EDEM3: variants seen among roughly 807,000 people sequenced by gnomAD.
EDEM3 encodes ER degradation enhancing alpha-mannosidase like protein 3, also known as ER degradation-enhancing alpha-mannosidase-like protein 3.
EDEM3 carries 60 observed loss-of-function variants against 110.2 expected under a neutral mutation model. The observed-to-expected ratio is 0.54, with a 90% confidence interval of 0.44 to 0.67. The LOEUF is 0.67. Ranked by LOEUF, EDEM3 falls within the 30% of genes least tolerant of loss-of-function variation. The pLI, the probability that EDEM3 is intolerant of heterozygous loss-of-function variation, is 0.00. For missense variants in EDEM3, 996 were observed against 1,121.0 expected (o/e 0.89, Z 1.59); for synonymous variants, 352 against 382.9 (o/e 0.92, Z 0.94).
At chr1:184,733,041 T>C (rs1162419074) in intron 5 of EDEM3, 51 bp from the exon 6 acceptor site, 1 of 1,535,568 alleles carries the variant, frequency 6.5e-7, no homozygotes, top group South Asian at 1.3e-5. Context: ...CAATTAAAAG[T>C]TACCATCTAA....
chr1:184,744,284 A>C (rs1209339653), intron 2 of EDEM3, among the ~76,000 whole-genome samples: 1 of 122,950 alleles, frequency 8.1e-6, no homozygotes, highest in Non-Finnish European at 1.7e-5. Context: ...ATATATATAT[A>C]TATATATATG....
chr1:184,702,307 T>C (rs1199763154), intron 19 of EDEM3, among the ~76,000 whole-genome samples: 2 of 152,228 alleles, frequency 1.3e-5, no homozygotes, highest in African/African-American at 2.4e-5. Flanking sequence ...TATATCCATG[T>C]GATAAACTTA....
At chr1:184,725,514 GACATACATTCAAAGGCAT>G (rs1651142777) in intron 7 of EDEM3, among the ~76,000 whole-genome samples, 1 of 151,736 alleles carries the variant, frequency 6.6e-6, no homozygotes, top group Non-Finnish European at 1.5e-5. Flanking sequence ...TGAACATACA[GACATACATTCAAAGGCAT>G]ACATACATAC....
At chr1:184,701,319 A>G (rs1050304634) in intron 19 of EDEM3, among the ~76,000 whole-genome samples, 3 of 152,090 alleles carry the variant, frequency 2.0e-5, no homozygotes, top group African/African-American at 7.2e-5. Context: ...TATAATTATT[A>G]GAATTTAAAA....
At chr1:184,747,348 A>G (rs1364136992) in intron 2 of EDEM3, among the ~76,000 whole-genome samples, 1 of 152,208 alleles carries the variant, frequency 6.6e-6, no homozygotes, top group Non-Finnish European at 1.5e-5. Flanking sequence ...CAGAAAGCTA[A>G]AAGTGTTTCT....
At chr1:184,730,616 C>G (rs1651458131) in intron 6 of EDEM3, among the ~76,000 whole-genome samples, 1 of 151,970 alleles carries the variant, frequency 6.6e-6, no homozygotes, top group South Asian at 2.1e-4. Flanking sequence ...AGAATGTTTA[C>G]CAGAGAGCTA....
At position 184,754,743 on chromosome 1, in the gene EDEM3, G is replaced by A. The variant is rs956622820; in HGVS notation, c.-97C>T. ...AGGGGGCTGCTAGCCGTGCCGAGAC[G>A]GGGCGGGATGCGGAGTAACACGGAC... On this transcript the variant is annotated 5_prime_UTR_variant, in exon 1 of 20. Transcript: ENST00000318130. The A allele has an allele frequency of 2.1e-6, 3 of 1,416,512 alleles. No homozygotes were observed. Among genetic ancestry groups the A allele is most frequent in the Non-Finnish European group, 2.7e-6 (3 of 1,091,792 alleles). The allele number at this position is 1,416,512 out of a possible 1,614,324, so 87.7% of individuals were successfully genotyped here.
At chr1:184,708,691 C>T (rs1030217903) in intron 16 of EDEM3, among the ~76,000 whole-genome samples, 2 of 152,236 alleles carry the variant, frequency 1.3e-5, no homozygotes, top group African/African-American at 2.4e-5. Context: ...ACCTGACCCA[C>T]ACTTTCCCTC....
chr1:184,706,920 G>T, intron 17 of EDEM3, 112 bp from the exon 18 acceptor site: 2 of 1,103,654 alleles, frequency 1.8e-6, no homozygotes, highest in Non-Finnish European at 2.5e-6. Context: ...CTTTTCTAAT[G>T]ATAACGTATC....
At chr1:184,739,293 T>A (rs1032942725) in intron 2 of EDEM3, among the ~76,000 whole-genome samples, 8 of 149,038 alleles carry the variant, frequency 5.4e-5, no homozygotes, top group South Asian at 4.2e-4. Context: ...TCATTTTAAT[T>A]ATTAAAATAA....
intron 1 of EDEM3, among the ~76,000 whole-genome samples, chr1:184,753,990 C>T (rs1384734042): frequency 6.6e-6 from 1 of 152,230 alleles, no homozygotes; most frequent in Non-Finnish European, 1.5e-5. Context: ...CAAGAAAACA[C>T]TGCAAGGAAA....
chr1:184,732,376 CAG>C (rs1442544253), intron 6 of EDEM3, among the ~76,000 whole-genome samples: 7 of 151,852 alleles, frequency 4.6e-5, no homozygotes, highest in African/African-American at 1.7e-4. Flanking sequence ...ACAGGTTAGA[CAG>C]AATGAATAAG....
At position 184,693,317 on chromosome 1, in the gene EDEM3, C is replaced by A. The variant is rs41264580; in HGVS notation, c.*746G>T. On this transcript the variant is annotated 3_prime_UTR_variant, in exon 20 of 20. Transcript: ENST00000318130. Reference sequence around the variant, plus strand: ...CAACATTACAGTTTCTCCCTTACTCCATTTTTCAGAAGTATTAAGTAAGCA... The same window carrying A: ...CAACATTACAGTTTCTCCCTTACTCAATTTTTCAGAAGTATTAAGTAAGCA... 8.7e-3 allele frequency: 1,340 copies of A among 154,118 alleles called. 10 individuals are homozygous for A. The highest frequency in any genetic ancestry group is 0.016 in the Middle Eastern group (22 of 1,390). 9.5% of individuals were successfully genotyped at this position (154,118 alleles called of 1,614,324 possible).
Position 184,717,530 on chromosome 1 carries a change from A to G in EDEM3, c.1245+10T>C, listed in dbSNP as rs1377745067. 1.3e-6 allele frequency: 2 copies of G among 1,598,336 alleles called. No homozygotes were observed. Among genetic ancestry groups the G allele is most frequent in the Non-Finnish European group, 1.7e-6 (2 of 1,171,764 alleles). On this transcript the variant is annotated intron_variant, in intron 12 of 19. Transcript: ENST00000318130. ...CTAAACTTTAAGTAAAATGGGGTAT[A>G]TTTTCTTACTTTATATAAGAAGTAG...
intron 19 of EDEM3, among the ~76,000 whole-genome samples, 155 bp downstream of exon 19, chr1:184,702,656 C>T (rs1449579984): frequency 1.3e-5 from 2 of 152,040 alleles, no homozygotes; most frequent in African/African-American, 4.8e-5. Flanking sequence ...ATTCTTATTT[C>T]CAAAAGAAAA....
chr1:184,717,070 A>T, intron 12 of EDEM3, 58 bp from the exon 13 acceptor site: 1 of 1,374,506 alleles, frequency 7.3e-7, no homozygotes, highest in Non-Finnish European at 9.9e-7. Flanking sequence ...CCACATATCC[A>T]TTCATTTACC....
chr1:184,737,780 C>T, intron 2 of EDEM3, 69 bp from the exon 3 acceptor site: 1 of 1,326,424 alleles, frequency 7.5e-7, no homozygotes, highest in South Asian at 1.4e-5. Flanking sequence ...GAGAACATAA[C>T]TTTTTCACAG....
chr1:184,749,400 T>C lies in EDEM3; in HGVS notation c.204+147A>G. 6.3e-6 allele frequency: 4 copies of C among 633,276 alleles called. No individual in the cohort carries two copies. The South Asian group carries it at 8.1e-5, about 13-fold the overall frequency. The allele number at this position is 633,276 out of a possible 1,614,324, so 39.2% of individuals were successfully genotyped here. A position where few individuals can be genotyped will look rare whatever the true frequency, so the allele number is the denominator to read the frequency against. The stretch of plus-strand genomic sequence containing the variant: ...AATAAACTGGTTCCCTAAAAACCAC[T>C]ACCAGAAAGACTATTTTTGCCCTGT... On this transcript the variant is annotated intron_variant, in intron 2 of 19. Coordinates refer to ENST00000318130, the MANE Select transcript of EDEM3 (RefSeq NM_025191.4).
intron 17 of EDEM3, 98 bp from the exon 18 acceptor site, chr1:184,706,906 ATTTCT>A (rs2102067191): frequency 8.0e-7 from 1 of 1,248,314 alleles, no homozygotes; most frequent in East Asian, 2.5e-5. Flanking sequence ...ACTAGAACTC[ATTTCT>A]TTTCTAATGA....
Sources: gnomAD v4.1 joint callset for allele counts (sites outside exome capture counted in the v4.1 genomes callset) on GRCh38, gnomAD v4.1.1 for gene constraint, MANE v1.5 for transcripts, NCBI Gene and HGNC (gene_info 2026-07-23, HGNC 2026-07-21) for gene names.